The following KLF13 variants were observed in gnomAD, a reference collection of about 807,000 sequenced individuals.
KLF13 encodes the protein KLF transcription factor 13.
Under a neutral mutation model 16.7 loss-of-function variants are expected in KLF13, and 8 were observed. That is an observed-to-expected ratio of 0.48 (90% CI 0.28 to 0.87). The LOEUF (loss-of-function observed/expected upper bound fraction) is 0.87, where lower values mean the gene tolerates loss of function less well. Among genes scored for constraint, KLF13 ranks in the 40% least tolerant of loss-of-function variants. The pLI, the probability that KLF13 is intolerant of heterozygous loss-of-function variation, is 0.10. For missense variants in KLF13, 447 were observed against 452.2 expected, an observed-to-expected ratio of 0.99 and a Z score of 0.10; for synonymous variants, 245 against 208.4, an observed-to-expected ratio of 1.18 and a Z score of -1.51.
intron 1 of KLF13, chr15:31,420,186 C>G: frequency 3.5e-6 from 2 of 568,798 alleles, no homozygotes; most frequent in Admixed American, 2.0e-5. Flanking sequence ...CATAAAAGAG[C>G]CGAGCTGAGT....
chr15:31,401,758 G>A (rs1189458188), intron 2 of KLF13, among the ~76,000 whole-genome samples: 1 of 152,236 alleles, frequency 6.6e-6, no homozygotes, highest in East Asian at 1.9e-4. Context: ...ACGCAGCAGT[G>A]CAGCTCCAAG....
intron 1 of KLF13, among the ~76,000 whole-genome samples, chr15:31,413,720 G>T (rs1468620250): frequency 6.6e-6 from 1 of 152,072 alleles, no homozygotes; most frequent in Non-Finnish European, 1.5e-5. Flanking sequence ...CTGCCTTCAA[G>T]AAATACTAAA....
In KLF13 at chr15:31,336,230, T is replaced by A. The variant is rs141198706; in HGVS notation, c.577+8441T>A. 3.4e-4 allele frequency among the ~76,000 whole-genome samples: 52 copies of A among 152,356 alleles called. No individual in the cohort carries two copies. The East Asian group carries it at 9.8e-3, about 29-fold the overall frequency. On this transcript the variant is annotated intron_variant, in intron 1 of 1. Transcript: ENST00000307145. The stretch of plus-strand genomic sequence containing the variant: ...GGGGGGCCACCATCCTTTCCCGGTC[T>A]GGCCTCGTTGGGGGACACATCTGTC...
chr15:31,344,033 C>T (rs1272229111), intron 1 of KLF13, among the ~76,000 whole-genome samples: 1 of 152,198 alleles, frequency 6.6e-6, no homozygotes, highest in African/African-American at 2.4e-5. Flanking sequence ...ACTTGCTGTG[C>T]ACAAATGGCC....
intron 1 of KLF13, among the ~76,000 whole-genome samples, chr15:31,328,317 G>A (rs1477313639): frequency 2.0e-5 from 3 of 151,854 alleles, no homozygotes. Context: ...TTCGCCACTC[G>A]GCACATTCTT....
rs1201629941 is a variant in KLF13, at chr15:31,402,870, A to C, written n.530-558A>C. Among the ~76,000 whole-genome samples the C allele has an allele frequency of 1.4e-4, 14 of 96,876 alleles. No individual in the cohort carries two copies. In the East Asian group the frequency reaches 2.0e-3, roughly 14 times the overall value. The allele number at this position is 96,876 out of a possible 152,430, so 63.6% of individuals were successfully genotyped here. On this transcript the variant is annotated intron_variant and non_coding_transcript_variant, in intron 2 of 2. Coordinates refer to the KLF13 transcript ENST00000500533. ...GAAATACTAAAATGTGGGGAAAAAAAAAACAACTTTTAAGTGTTTGCCTTG... is the reference window on the plus strand; with the variant it reads ...GAAATACTAAAATGTGGGGAAAAAACAAACAACTTTTAAGTGTTTGCCTTG...
chr15:31,330,212 G>A (rs59806222), intron 1 of KLF13, among the ~76,000 whole-genome samples: 8,689 of 152,282 alleles, frequency 0.057, 841 homozygotes, highest in African/African-American at 0.2. Flanking sequence ...ACAAGGTGAT[G>A]GCTTTGCTGC....
chr15:31,328,399 C>T (rs1354082540), intron 1 of KLF13, among the ~76,000 whole-genome samples: 2 of 151,984 alleles, frequency 1.3e-5, no homozygotes, highest in African/African-American at 4.8e-5. Flanking sequence ...AGCGGCGGCG[C>T]TTGGCGATGC....
At chr15:31,365,479 C>T (rs1394877738) in intron 1 of KLF13, among the ~76,000 whole-genome samples, 1 of 152,178 alleles carries the variant, frequency 6.6e-6, no homozygotes, top group Middle Eastern at 3.2e-3. Flanking sequence ...GCGGCAGACG[C>T]TGCTCTGGCC....
At chr15:31,379,343 AT>A (rs2140974110), downstream of KLF13, among the ~76,000 whole-genome samples, 2 of 152,294 alleles carry the variant, frequency 1.3e-5, no homozygotes, top group African/African-American at 4.8e-5. Flanking sequence ...TCTCAGAGCC[AT>A]TTATTGCTCA....
At chr15:31,389,493 C>G (rs974053656), upstream of KLF13, among the ~76,000 whole-genome samples, 4 of 152,194 alleles carry the variant, frequency 2.6e-5, no homozygotes, top group African/African-American at 7.2e-5. Flanking sequence ...CCCTCTGCAC[C>G]TTCTCCCTCC....
chr15:31,422,268 C>A (rs2141009066), intron 1 of KLF13, among the ~76,000 whole-genome samples: 1 of 152,004 alleles, frequency 6.6e-6, no homozygotes, highest in African/African-American at 2.4e-5. Context: ...GAAGAAATAC[C>A]CAAGACTGGG....
chr15:31,417,485 ACT>A (rs1346890980), intron 1 of KLF13, among the ~76,000 whole-genome samples: 1 of 149,128 alleles, frequency 6.7e-6, no homozygotes, highest in Admixed American at 6.6e-5. Context: ...ACAGAGTGAG[ACT>A]CTGTCTCAAA....
upstream of KLF13, among the ~76,000 whole-genome samples, chr15:31,392,434 C>T (rs889022759): frequency 4.6e-5 from 7 of 152,180 alleles, no homozygotes; most frequent in Non-Finnish European, 1.0e-4. Flanking sequence ...CCAGGCCACG[C>T]CCCTCCTGAT....
At chr15:31,370,044 C>A (rs28600046) in intron 1 of KLF13, among the ~76,000 whole-genome samples, 1 of 99,302 alleles carries the variant, frequency 1.0e-5, no homozygotes. Context: ...TCTCCTTTTT[C>A]TTTTTTTTTT....
chr15:31,364,466 C>G (rs536255088), intron 1 of KLF13, among the ~76,000 whole-genome samples: 1 of 152,364 alleles, frequency 6.6e-6, no homozygotes, highest in South Asian at 2.1e-4. Flanking sequence ...CCCCCCATGT[C>G]TCTTTCACTA....
chr15:31,392,072 C>A (rs991855344), upstream of KLF13, among the ~76,000 whole-genome samples: 3 of 152,046 alleles, frequency 2.0e-5, no homozygotes, highest in Non-Finnish European at 4.4e-5. Context: ...CACTCGCCCC[C>A]GACCCCCGGG....
chr15:31,433,081 A>G (rs1239468127), intron 1 of KLF13, among the ~76,000 whole-genome samples: 2 of 152,176 alleles, frequency 1.3e-5, no homozygotes, highest in Non-Finnish European at 2.9e-5. Context: ...AATAATCTTG[A>G]GCTTTTTTTC....
downstream of KLF13, among the ~76,000 whole-genome samples, chr15:31,379,811 C>T (rs930404173): frequency 6.6e-6 from 1 of 152,164 alleles, no homozygotes; most frequent in African/African-American, 2.4e-5. Context: ...AGCCTCAGGA[C>T]ACTCCTGGAC....
Sources: allele counts gnomAD v4.1 joint callset (sites outside exome capture counted in the v4.1 genomes callset), GRCh38; gene constraint gnomAD v4.1.1; transcripts MANE v1.5; gene names NCBI Gene and HGNC (gene_info 2026-07-23, HGNC 2026-07-21).